Variants in DOCK3 observed in about 807,000 individuals in gnomAD.
DOCK3 encodes the protein dedicator of cytokinesis protein 3.
A neutral mutation model predicts 265.6 loss-of-function variants in DOCK3; 60 were observed. That is an observed-to-expected ratio of 0.23 (90% CI 0.18 to 0.28). DOCK3 has a LOEUF of 0.28. Ranked by LOEUF, DOCK3 falls within the 10% of genes least tolerant of loss-of-function variation. The probability of loss-of-function intolerance (pLI) is 1.00; values close to 1 mark genes in which losing one functional copy is unlikely to be tolerated. For synonymous variants in DOCK3, 881 were observed against 938.0 expected (o/e 0.94, Z 1.11); for missense variants, 1,981 against 2,594.3 (o/e 0.76, Z 5.14).
intron 12 of DOCK3, among the ~76,000 whole-genome samples, chr3:51,199,433 T>C (rs985451522): frequency 8.5e-5 from 13 of 152,282 alleles, no homozygotes; most frequent in African/African-American, 3.1e-4. Flanking sequence ...GTCTCGCTGA[T>C]TGCTAGCACA....
At chr3:50,735,630 C>T (rs1258849308) in intron 1 of DOCK3, among the ~76,000 whole-genome samples, 1 of 152,168 alleles carries the variant, frequency 6.6e-6, no homozygotes, top group African/African-American at 2.4e-5. Flanking sequence ...AGCCACTGCA[C>T]CCAGCCTGTT....
chr3:50,727,485 G>C (rs571449759), intron 1 of DOCK3, among the ~76,000 whole-genome samples: 1 of 152,246 alleles, frequency 6.6e-6, no homozygotes, highest in African/African-American at 2.4e-5. Flanking sequence ...ATCACCTGAG[G>C]TCAGGAGTTC....
In DOCK3 at chr3:50,855,788, T is replaced by C. The variant is rs551678903; in HGVS notation, c.162+14073T>C. The stretch of plus-strand genomic sequence containing the variant: ...TGCACGGATCATCCCATCACCTATG[T>C]ATTAAGCCCAGCATCCACTAGCTAT... On this transcript the variant is annotated intron_variant, in intron 3 of 52. Coordinates refer to ENST00000266037, the MANE Select transcript of DOCK3 (RefSeq NM_004947.5). 8.3e-4 allele frequency among the ~76,000 whole-genome samples: 126 copies of C among 152,234 alleles called. 3 individuals carry two copies. In the South Asian group the frequency reaches 0.025, roughly 31 times the overall value.
intron 3 of DOCK3, among the ~76,000 whole-genome samples, chr3:50,883,830 T>A (rs6795573): frequency 6.6e-6 from 1 of 152,046 alleles, no homozygotes; most frequent in Non-Finnish European, 1.5e-5. Context: ...TTATTATGTT[T>A]CAAAATGTTT....
At chr3:50,858,384 A>G (rs1333738565) in intron 3 of DOCK3, among the ~76,000 whole-genome samples, 1 of 151,744 alleles carries the variant, frequency 6.6e-6, no homozygotes, top group African/African-American at 2.4e-5. Flanking sequence ...ATATGTATCA[A>G]ACCTGCACGT....
chr3:51,283,607 C>T (rs868857138), intron 27 of DOCK3, among the ~76,000 whole-genome samples: 2 of 152,138 alleles, frequency 1.3e-5, no homozygotes, highest in African/African-American at 2.4e-5. Context: ...AAGGAGCAGA[C>T]AAGTAGTAGC....
At chr3:50,935,201 T>A (rs2051288763) in intron 5 of DOCK3, among the ~76,000 whole-genome samples, 1 of 152,154 alleles carries the variant, frequency 6.6e-6, no homozygotes, top group African/African-American at 2.4e-5. Flanking sequence ...GACAGAAACT[T>A]TTAGTAATAC....
chr3:51,266,520 C>T (rs960230241), intron 23 of DOCK3, among the ~76,000 whole-genome samples: 2 of 152,112 alleles, frequency 1.3e-5, no homozygotes, highest in African/African-American at 4.8e-5. Flanking sequence ...TCAGAAATAA[C>T]ACCACACATC....
At chr3:51,133,949 G>A (rs1460050252) in intron 9 of DOCK3, among the ~76,000 whole-genome samples, 1 of 152,026 alleles carries the variant, frequency 6.6e-6, no homozygotes, top group Non-Finnish European at 1.5e-5. Flanking sequence ...ACCCTCAGTG[G>A]GCCCCAGTGT....
chr3:51,021,919 C>T (rs112825716), intron 5 of DOCK3, among the ~76,000 whole-genome samples: 3,513 of 152,148 alleles, frequency 0.023, 63 homozygotes, highest in Non-Finnish European at 0.034. Flanking sequence ...CCTCGGCCTC[C>T]CTAAGTGCTG....
At chr3:50,837,843 G>A (rs1198842392) in intron 2 of DOCK3, among the ~76,000 whole-genome samples, 5 of 152,180 alleles carry the variant, frequency 3.3e-5, no homozygotes, top group Admixed American at 3.3e-4. Context: ...GCTGAGGCGG[G>A]AGCCTGCTTA....
chr3:50,891,931 A>G (rs2048660839), intron 4 of DOCK3, among the ~76,000 whole-genome samples: 1 of 152,126 alleles, frequency 6.6e-6, no homozygotes, highest in African/African-American at 2.4e-5. Flanking sequence ...AGTTTGCCTC[A>G]GGAAAGTAGA....
intron 5 of DOCK3, among the ~76,000 whole-genome samples, chr3:51,005,847 A>G (rs150053501): frequency 6.6e-6 from 1 of 152,280 alleles, no homozygotes; most frequent in African/African-American, 2.4e-5. Flanking sequence ...TCCAGAATGA[A>G]ACACCAGATG....
chr3:50,750,307 T>G lies in DOCK3; in HGVS notation c.38-28368T>G, dbSNP rs183409795. Among the ~76,000 whole-genome samples, 6 of 150,994 alleles carry G rather than the reference T, an allele frequency of 4.0e-5. No individual in the cohort carries two copies. In the East Asian group the frequency reaches 1.2e-3, roughly 29 times the overall value. On this transcript the variant is annotated intron_variant, in intron 1 of 52. Transcript: ENST00000266037. The stretch of plus-strand genomic sequence containing the variant: ...TTGGGGACCTCTGCCTTAAAGAGTT[T>G]ACAGTCTACCTTTGATTTTTTTTTT...
chr3:51,165,533 A>G (rs1009340914), intron 12 of DOCK3, among the ~76,000 whole-genome samples: 1 of 152,238 alleles, frequency 6.6e-6, no homozygotes, highest in African/African-American at 2.4e-5. Context: ...ATAAATCTCC[A>G]GAAGTTATTT....
chr3:50,967,957 T>TA (rs1305099738), intron 5 of DOCK3, among the ~76,000 whole-genome samples: 1 of 152,198 alleles, frequency 6.6e-6, no homozygotes, highest in East Asian at 1.9e-4. Context: ...AGAATTCTCT[T>TA]ACTGTTTTCC....
chr3:50,923,833 C>T (rs778821347), intron 4 of DOCK3, among the ~76,000 whole-genome samples: 40 of 152,118 alleles, frequency 2.6e-4, no homozygotes, highest in African/African-American at 4.6e-4. Context: ...CAGAGGGATG[C>T]TGTAGTCTTC....
chr3:50,769,279 A>G (rs1216799280), intron 1 of DOCK3, among the ~76,000 whole-genome samples: 1 of 152,142 alleles, frequency 6.6e-6, no homozygotes, highest in Non-Finnish European at 1.5e-5. Flanking sequence ...TGATGTTATG[A>G]ATTGTTTCTC....
intron 6 of DOCK3, among the ~76,000 whole-genome samples, chr3:51,068,560 A>AAAGAAG (rs1553750774): frequency 0.041 from 3,354 of 82,144 alleles, 826 homozygotes; most frequent in Middle Eastern, 0.14. Flanking sequence ...AAAAAAAAAA[A>AAAGAAG]AAGAAGAAGA....
Sources: gnomAD v4.1 joint callset for allele counts (sites outside exome capture counted in the v4.1 genomes callset) on GRCh38, gnomAD v4.1.1 for gene constraint, MANE v1.5 for transcripts, NCBI Gene and HGNC (gene_info 2026-07-23, HGNC 2026-07-21) for gene names.